Variants in PPP2R2C observed in about 807,000 individuals in gnomAD.
PPP2R2C encodes the protein protein phosphatase 2 regulatory subunit Bgamma.
Under a neutral mutation model 45.3 loss-of-function variants are expected in PPP2R2C, and 10 were observed. That is an observed-to-expected ratio of 0.22 (90% confidence interval 0.14 to 0.37). The LOEUF (loss-of-function observed/expected upper bound fraction) is 0.37. Ranked by LOEUF, PPP2R2C falls within the 10% of genes least tolerant of loss-of-function variation. The probability of loss-of-function intolerance (pLI) is 1.00; values close to 1 mark genes in which losing one functional copy is unlikely to be tolerated. For missense variants in PPP2R2C, 308 were observed against 619.7 expected (o/e 0.50, Z 5.34); for synonymous variants, 257 against 245.4 (o/e 1.05, Z -0.44).
chr4:6,325,942 C>T (rs4689402), intron 8 of PPP2R2C, among the ~76,000 whole-genome samples: 1 of 152,088 alleles, frequency 6.6e-6, no homozygotes, highest in South Asian at 2.1e-4. Context: ...TGGGAGGCTG[C>T]GGCAGGAGAA....
chr4:6,397,120 T>C (rs889532437), intron 1 of PPP2R2C, among the ~76,000 whole-genome samples: 4 of 152,228 alleles, frequency 2.6e-5, no homozygotes, highest in Non-Finnish European at 2.9e-5. Flanking sequence ...ACCTCAGAGC[T>C]TGGACTCCTC....
intron 2 of PPP2R2C, among the ~76,000 whole-genome samples, chr4:6,508,315 G>A (rs977612897): frequency 2.6e-5 from 4 of 152,176 alleles, no homozygotes; most frequent in African/African-American, 7.2e-5. Context: ...GGCCAGGTGC[G>A]GTGGCTCACG....
intron 1 of PPP2R2C, among the ~76,000 whole-genome samples, chr4:6,454,506 A>C (rs1720910115): frequency 6.6e-6 from 1 of 151,858 alleles, no homozygotes; most frequent in South Asian, 2.1e-4. Flanking sequence ...CCGCCTTCCA[A>C]CTCTCCCCAC....
At chr4:6,375,511 T>A (rs1431451712) in intron 4 of PPP2R2C, among the ~76,000 whole-genome samples, 1 of 152,176 alleles carries the variant, frequency 6.6e-6, no homozygotes, top group Admixed American at 6.5e-5. Context: ...TGGGCCTCAG[T>A]TTCCCCCTTC....
intron 5 of PPP2R2C, among the ~76,000 whole-genome samples, chr4:6,357,881 AC>A (rs1713353435): frequency 6.6e-6 from 1 of 152,142 alleles, no homozygotes; most frequent in Non-Finnish European, 1.5e-5. Context: ...TGTGATCCAC[AC>A]AGGCCTCCCG....
chr4:6,563,030 C>T lies in PPP2R2C; in HGVS notation c.-59+530G>A, dbSNP rs1725632100. 6.6e-6 allele frequency among the ~76,000 whole-genome samples: 1 copy of T among 152,068 alleles called. No homozygotes were observed. Among genetic ancestry groups the T allele is most frequent in the Non-Finnish European group, 1.5e-5 (1 of 68,010 alleles). ...GGGCCTGACTCAGCACCCACCGGCG[C>T]GGGCAGCGGGAGGAGCGCGTAGACG... On this transcript the variant is annotated intron_variant, in intron 1 of 9. Coordinates refer to the PPP2R2C transcript ENST00000506140. This position sits in a 1 kb window ranked among gnomAD's most constrained non-coding sequence, Gnocchi z 5.8.
At chr4:6,440,949 G>A (rs1720120816) in intron 1 of PPP2R2C, among the ~76,000 whole-genome samples, 1 of 152,164 alleles carries the variant, frequency 6.6e-6, no homozygotes, top group African/African-American at 2.4e-5. Context: ...CTCAAGGAGT[G>A]CGACTTGAGC....
intron 5 of PPP2R2C, among the ~76,000 whole-genome samples, chr4:6,357,563 C>G (rs570966339): frequency 9.9e-4 from 151 of 152,224 alleles, no homozygotes; most frequent in Non-Finnish European, 1.9e-3. Context: ...CCCACAGCCC[C>G]AGGCCTACAG....
chr4:6,422,721 C>T (rs1456108649), intron 1 of PPP2R2C, among the ~76,000 whole-genome samples: 1 of 152,150 alleles, frequency 6.6e-6, no homozygotes, highest in Non-Finnish European at 1.5e-5. Flanking sequence ...GATCAGGGCC[C>T]ACCTTAATGA....
chr4:6,363,015 A>G (rs1408896328), intron 5 of PPP2R2C, among the ~76,000 whole-genome samples: 4 of 152,198 alleles, frequency 2.6e-5, no homozygotes, highest in Non-Finnish European at 5.9e-5. Flanking sequence ...TAACATCGGC[A>G]GCGTGCTCAG....
At chr4:6,486,222 T>G (rs1722523825) in intron 2 of PPP2R2C, among the ~76,000 whole-genome samples, 1 of 152,042 alleles carries the variant, frequency 6.6e-6, no homozygotes, top group African/African-American at 2.4e-5. Context: ...TCTAATTTAA[T>G]TCTATTATGA....
chr4:6,443,117 AGT>A (rs1720234158), intron 1 of PPP2R2C, among the ~76,000 whole-genome samples: 2 of 149,776 alleles, frequency 1.3e-5, no homozygotes, highest in East Asian at 4.5e-4. Flanking sequence ...CAGTGGCCTC[AGT>A]TTTTTTAAAC....
At chr4:6,443,951 A>C (rs1261772068) in intron 1 of PPP2R2C, among the ~76,000 whole-genome samples, 1 of 152,076 alleles carries the variant, frequency 6.6e-6, no homozygotes, top group Non-Finnish European at 1.5e-5. Flanking sequence ...ACCCTGGCCC[A>C]TGTGTAGCCT....
intron 1 of PPP2R2C, among the ~76,000 whole-genome samples, chr4:6,460,336 C>T (rs1008941156): frequency 6.6e-6 from 1 of 152,196 alleles, no homozygotes. Flanking sequence ...CATGTGAAGA[C>T]ACAGTAGGGA....
chr4:6,550,617 G>T (rs186545392), intron 1 of PPP2R2C, among the ~76,000 whole-genome samples: 1 of 152,092 alleles, frequency 6.6e-6, no homozygotes, highest in East Asian at 1.9e-4. Context: ...ACAATATTTC[G>T]CAGAGCATCT....
chr4:6,414,464 G>A (rs1417421664), intron 1 of PPP2R2C, among the ~76,000 whole-genome samples: 1 of 152,196 alleles, frequency 6.6e-6, no homozygotes, highest in East Asian at 1.9e-4. Flanking sequence ...CTGGCGGGAG[G>A]AGCATCAGGC....
At chr4:6,413,097 T>A (rs1009067758) in intron 1 of PPP2R2C, among the ~76,000 whole-genome samples, 24 of 152,060 alleles carry the variant, frequency 1.6e-4, no homozygotes, top group Admixed American at 1.6e-3. Context: ...ACTTACACAG[T>A]CATTTTCTTA....
In PPP2R2C at chr4:6,328,852, C is replaced by T. The variant is rs368693717; in HGVS notation, c.1052+410G>A. 9.2e-5 allele frequency among the ~76,000 whole-genome samples: 14 copies of T among 152,104 alleles called. 1 individual carries two copies. The highest frequency in any genetic ancestry group is 1.2e-4 in the African/African-American group (5 of 41,424). ...GTGATGGGAGGAGGGGTGAGTAGAC[C>T]GATGGTCAAAGCCACAGGGGTGCAG... On this transcript the variant is annotated intron_variant, in intron 8 of 8. Transcript: ENST00000382599. This position sits in a 1 kb window ranked among gnomAD's most constrained non-coding sequence, Gnocchi z 4.4.
intron 4 of PPP2R2C, among the ~76,000 whole-genome samples, chr4:6,373,579 C>T (rs6820050): frequency 0.029 from 4,348 of 152,304 alleles, 215 homozygotes; most frequent in African/African-American, 0.1. Flanking sequence ...ATCTCTCTAG[C>T]GCTCAGTCCA....
Sources: allele counts gnomAD v4.1 joint callset (sites outside exome capture counted in the v4.1 genomes callset), GRCh38; gene constraint gnomAD v4.1.1; non-coding constraint Gnocchi (gnomAD v3.1); transcripts MANE v1.5; gene names NCBI Gene and HGNC (gene_info 2026-07-23, HGNC 2026-07-21).